The following HK1 variants were observed in gnomAD, a reference collection of about 807,000 sequenced individuals.
HK1 encodes hexokinase-1.
A neutral mutation model predicts 91.6 loss-of-function variants in HK1; 28 were observed. The observed-to-expected ratio is 0.31, with a 90% confidence interval of 0.23 to 0.42. The LOEUF (loss-of-function observed/expected upper bound fraction) is 0.42, where lower values mean the gene tolerates loss of function less well. Ranked by LOEUF, HK1 falls within the 10% of genes least tolerant of loss-of-function variation. The pLI is 1.00. For missense variants in HK1, 770 were observed against 1,219.8 expected (o/e 0.63, Z 5.49); for synonymous variants, 430 against 468.1 (o/e 0.92, Z 1.05).
rs2132761897 is a variant in HK1, at chr10:69,359,822, C to A, written c.227-75C>A. ...GGAGGCAGACAGGGCCTACGCCCTGCCAGGAAGCGGGCATGGTATGTGGCT... is the reference window on the plus strand; with the variant it reads ...GGAGGCAGACAGGGCCTACGCCCTGACAGGAAGCGGGCATGGTATGTGGCT... On this transcript the variant is annotated intron_variant, in intron 2 of 17. Coordinates refer to ENST00000359426, the MANE Select transcript of HK1 (RefSeq NM_000188.3). 4.2e-6 allele frequency: 6 copies of A among 1,418,912 alleles called. No homozygotes were observed. In the South Asian group the frequency reaches 6.9e-5, roughly 16 times the overall value. The allele number at this position is 1,418,912 out of a possible 1,614,324, so 87.9% of individuals were successfully genotyped here. A position where few individuals can be genotyped will look rare whatever the true frequency, so the allele number is the denominator to read the frequency against.
rs747980178 is a variant in HK1, at chr10:69,379,903, G to A, written c.1073G>A (p.Arg358His). Residue 358 changes from arginine (R) to histidine (H), a missense_variant, in exon 9 of 18, where the codon CGC (arginine) becomes CAC (histidine). Around this residue, in one of 7 missense-constraint regions of HK1, gnomAD observed 449 missense variants for 665.1 expected, o/e 0.68. Transcript: ENST00000359426. ...GLHNAKEILTRLGVEPSDDDC... is the reference protein window; with the variant it reads ...GLHNAKEILTHLGVEPSDDDC... ...CACAATGCCAAAGAAATCCTGACCC[G>A]CCTGGGAGTGGAGCCGTCCGATGAT... 3.7e-6 allele frequency: 6 copies of A among 1,614,004 alleles called. No individual in the cohort carries two copies. The highest frequency in any genetic ancestry group is 2.2e-5 in the East Asian group (1 of 44,888).
intron 15 of HK1, 102 bp from the exon 16 acceptor site, chr10:69,394,848 G>C: frequency 8.5e-7 from 1 of 1,170,258 alleles, no homozygotes; most frequent in Non-Finnish European, 1.3e-6. Context: ...TTGATGATGC[G>C]CTTGAGGGGC....
At chr10:69,272,361 C>T (rs534922967) in intron 1 of HK1, among the ~76,000 whole-genome samples, 4 of 152,294 alleles carry the variant, frequency 2.6e-5, no homozygotes, top group Admixed American at 1.3e-4. Flanking sequence ...GGTTATTAAT[C>T]TCTGATCAGA....
intron 8 of HK1, among the ~76,000 whole-genome samples, chr10:69,377,474 A>T (rs1839175461): frequency 6.6e-6 from 1 of 151,116 alleles, no homozygotes; most frequent in Admixed American, 6.6e-5. Flanking sequence ...GGGTTTTTGG[A>T]ATTCCACCTC....
At chr10:69,338,152 C>G (rs1230319120) in intron 1 of HK1, 3 of 799,878 alleles carry the variant, frequency 3.8e-6, no homozygotes, top group Non-Finnish European at 4.7e-6. Context: ...TCAAGGCCCC[C>G]TTGGTCCACA....
chr10:69,347,598 G>A (rs1589520460), intron 2 of HK1, among the ~76,000 whole-genome samples: 2 of 151,752 alleles, frequency 1.3e-5, no homozygotes, highest in Admixed American at 6.6e-5. Flanking sequence ...ACCACGCTGG[G>A]CTAATTTTTG....
intron 4 of HK1, among the ~76,000 whole-genome samples, chr10:69,297,257 T>G (rs1845611688): frequency 6.6e-6 from 1 of 152,028 alleles, no homozygotes; most frequent in African/African-American, 2.4e-5. Flanking sequence ...AGAGATAGAT[T>G]TACTATTCTT....
Position 69,359,931 on chromosome 10 carries a change from G to A in HK1, c.261G>A (p.Gly87=). ...ATTTCATTGCCCTGGATCTTGGTGG[G>A]TCTTCCTTTCGAATTCTGCGGGTGC... is the stretch of plus-strand genomic sequence containing the variant. ...KGDFIALDLG[G]SSFRILRVQV... is the part of the protein sequence containing the mutation. The change falls in exon 3 of 18, where the codon GGG becomes GGA. Residue 87 remains glycine, a synonymous_variant. Coordinates refer to ENST00000359426, the MANE Select transcript of HK1 (RefSeq NM_000188.3). The A allele has an allele frequency of 6.2e-7, 1 of 1,614,142 alleles. No individual in the cohort carries two copies. The highest frequency in any genetic ancestry group is 8.5e-7 in the Non-Finnish European group (1 of 1,179,992).
intron 17 of HK1, among the ~76,000 whole-genome samples, chr10:69,400,447 T>C (rs966540699): frequency 1.4e-5 from 2 of 145,542 alleles, no homozygotes; most frequent in African/African-American, 5.0e-5. Flanking sequence ...CTGTTGATGG[T>C]GGGGCGCTGG....
intron 1 of HK1, among the ~76,000 whole-genome samples, chr10:69,321,984 A>G (rs1187372200): frequency 6.6e-6 from 1 of 152,232 alleles, no homozygotes; most frequent in African/African-American, 2.4e-5. Flanking sequence ...GACATCTGCC[A>G]GTTCTGCAGC....
Position 69,401,617 on chromosome 10 carries a change from C to T in HK1, c.*482C>T. The T allele has an allele frequency of 2.5e-6, 1 of 394,990 alleles. No individual in the cohort carries two copies. Among genetic ancestry groups the T allele is most frequent in the Non-Finnish European group, 5.0e-6 (1 of 201,170 alleles). 24.5% of individuals were successfully genotyped at this position (394,990 alleles called of 1,614,324 possible). ...AGTGTGGGCATAGCATTAGCTGCTT[C>T]CTCCCCTCCTGGCACCCACTGTGGC... On this transcript the variant is annotated 3_prime_UTR_variant, in exon 18 of 18. Transcript: ENST00000359426.
At chr10:69,342,143 G>GA (rs1010949978) in intron 1 of HK1, among the ~76,000 whole-genome samples, 8 of 147,008 alleles carry the variant, frequency 5.4e-5, no homozygotes, top group Admixed American at 4.2e-4. Context: ...GATAGACTAT[G>GA]AAAAAAAAAC....
intron 2 of HK1, among the ~76,000 whole-genome samples, chr10:69,283,162 T>G (rs1844843399): frequency 8.4e-6 from 1 of 119,152 alleles, no homozygotes; most frequent in Non-Finnish European, 1.7e-5. Flanking sequence ...GAAGGTATAA[T>G]CTGGCAGGGT....
chr10:69,291,210 C>A (rs937982031), intron 3 of HK1, among the ~76,000 whole-genome samples: 1 of 152,220 alleles, frequency 6.6e-6, no homozygotes, highest in African/African-American at 2.4e-5. Flanking sequence ...GTCACAGGCG[C>A]CATGTGGCAG....
In HK1 at chr10:69,321,742, A is replaced by G. The variant is rs113569348; in HGVS notation, c.63+2732A>G. 2.0e-5 allele frequency among the ~76,000 whole-genome samples: 3 copies of G among 152,220 alleles called. No individual in the cohort carries two copies. The South Asian group carries it at 6.2e-4, about 31-fold the overall frequency. ...TGAGGCACATCAATAATTCAACTCCATAAAAATATATCCTGGGTTGAAACA... is the reference window on the plus strand; with the variant it reads ...TGAGGCACATCAATAATTCAACTCCGTAAAAATATATCCTGGGTTGAAACA... On this transcript the variant is annotated intron_variant, in intron 1 of 17. Transcript: ENST00000359426.
intron 5 of HK1, among the ~76,000 whole-genome samples, chr10:69,310,420 C>CAAA (rs745830600): frequency 3.4e-4 from 29 of 85,396 alleles, no homozygotes; most frequent in African/African-American, 1.1e-3. Context: ...GACTTTGTCT[C>CAAA]AAAAAAAAAA....
At chr10:69,338,740 T>TGA (rs1160244305) in intron 1 of HK1, 33 of 1,242,928 alleles carry the variant, frequency 2.7e-5, no homozygotes, top group Non-Finnish European at 3.3e-5. Flanking sequence ...TGTGAGTGTG[T>TGA]GAGAGTGTGT....
At chr10:69,288,654 A>G in intron 2 of HK1, 1 of 1,192,290 alleles carries the variant, frequency 8.4e-7, no homozygotes, top group Admixed American at 1.7e-5. Flanking sequence ...CCTTCTTTGA[A>G]CTTGGCCTTT....
Position 69,276,138 on chromosome 10 carries a change from T to TACAC in HK1, c.-391+6032_-391+6035dup, listed in dbSNP as rs1554874357. ...AAAAAAATACATATATATATATATA[T>TACAC]ACACATATATATATTCTATATTAAA... is the stretch of plus-strand genomic sequence containing the variant. On this transcript the variant is annotated intron_variant, in intron 1 of 21. Transcript: ENST00000360289. Among the ~76,000 whole-genome samples, 33 of 76,432 alleles carry TACAC rather than the reference T, an allele frequency of 4.3e-4. 1 individual carries two copies. Among genetic ancestry groups the TACAC allele is most frequent in the East Asian group, 1.5e-3 (2 of 1,298 alleles). The allele number at this position is 76,432 out of a possible 152,430, so 50.1% of individuals were successfully genotyped here.
Sources: gnomAD v4.1 joint callset for allele counts (sites outside exome capture counted in the v4.1 genomes callset) on GRCh38, gnomAD v4.1.1 for gene constraint, gnomAD v4.1.1 regional missense constraint, MANE v1.5 for transcripts, NCBI Gene and HGNC (gene_info 2026-07-23, HGNC 2026-07-21) for gene names.